PLXNC1: variants seen among roughly 807,000 people sequenced by gnomAD.
PLXNC1 encodes the protein plexin C1, also known as plexin-C1.
In PLXNC1, 75 loss-of-function variants were observed where a neutral mutation model predicts 178.2. The observed-to-expected ratio is 0.42, with a 90% CI of 0.35 to 0.51. PLXNC1 has a LOEUF of 0.51. Among genes scored for constraint, PLXNC1 ranks in the 20% least tolerant of loss-of-function variants. The pLI is 0.02. For missense variants in PLXNC1, 1,503 were observed against 1,984.4 expected (o/e 0.76, Z 4.61); for synonymous variants, 790 against 779.9 (o/e 1.01, Z -0.22).
chr12:94,163,500 T>C (rs1431076518), intron 1 of PLXNC1, among the ~76,000 whole-genome samples: 3 of 151,966 alleles, frequency 2.0e-5, no homozygotes, highest in Non-Finnish European at 2.9e-5. Flanking sequence ...AGAAGGAGGT[T>C]GTGGGGGTGG....
intron 9 of PLXNC1, among the ~76,000 whole-genome samples, chr12:94,234,323 G>T (rs978802050): frequency 6.6e-6 from 1 of 152,068 alleles, no homozygotes; most frequent in Non-Finnish European, 1.5e-5. Context: ...AATCCTCTTA[G>T]ACCTTTTGAA....
rs150326780 is a variant in PLXNC1, at chr12:94,283,254, A to G, written c.3879+853A>G. Among the ~76,000 whole-genome samples the G allele has an allele frequency of 1.8e-3, 275 of 152,296 alleles. 1 individual carries two copies. The highest frequency in any genetic ancestry group is 6.5e-3 in the African/African-American group (269 of 41,552). ...GCTTCCTGGAGGAGGTTATGACTGA[A>G]CTGAGAGCTAAACAATGAGAATTTA... On this transcript the variant is annotated intron_variant, in intron 23 of 30. Transcript: ENST00000258526.
chr12:94,224,202 A>C (rs372316909), intron 6 of PLXNC1, 26 bp from the exon 7 acceptor site: 1 of 1,378,298 alleles, frequency 7.3e-7, no homozygotes, highest in Non-Finnish European at 1.0e-6. Flanking sequence ...TCCACCGTAA[A>C]TGACATTTTC....
At chr12:94,161,060 C>A (rs1961364254) in intron 1 of PLXNC1, among the ~76,000 whole-genome samples, 1 of 152,138 alleles carries the variant, frequency 6.6e-6, no homozygotes, top group African/African-American at 2.4e-5. Flanking sequence ...ATGCTAAGTT[C>A]CAGTTAGAGC....
rs551955818 is a variant in PLXNC1, at chr12:94,202,959, G to A, written c.1440-6631G>A. On this transcript the variant is annotated intron_variant, in intron 4 of 30. Transcript: ENST00000258526. ...GGGTGTCATGAGAGATTTTTAAGCAGGGAGTAACATCATCAGCTCTGTGCG... is the reference window on the plus strand; with the variant it reads ...GGGTGTCATGAGAGATTTTTAAGCAAGGAGTAACATCATCAGCTCTGTGCG... Among the ~76,000 whole-genome samples, 4 of 152,286 alleles carry A rather than the reference G, an allele frequency of 2.6e-5. No individual in the cohort carries two copies. In the South Asian group the frequency reaches 8.3e-4, roughly 32 times the overall value.
intron 15 of PLXNC1, among the ~76,000 whole-genome samples, chr12:94,253,340 C>T (rs537413982): frequency 6.7e-6 from 1 of 149,710 alleles, no homozygotes; most frequent in Non-Finnish European, 1.5e-5. Context: ...CATTTATTCA[C>T]TCATTCATCC....
In PLXNC1 at chr12:94,149,916, A is replaced by G; in HGVS notation, c.945A>G (p.Gly315=). ...CGGGAGTGTTCAGCGCGGCCGCTGG[A>G]GAGGGCCAGGAGCGGCGCTCCCCCA... The part of the protein sequence containing the change: ...VWAGVFSAAA[G]EGQERRSPTT... Residue 315 remains glycine, a synonymous_variant, in exon 1 of 31, where the codon GGA becomes GGG. Coordinates refer to ENST00000258526, the MANE Select transcript of PLXNC1 (RefSeq NM_005761.3). The G allele has an allele frequency of 6.3e-7, 1 of 1,589,726 alleles. No individual in the cohort carries two copies. Among genetic ancestry groups the G allele is most frequent in the Admixed American group, 1.8e-5 (1 of 56,730 alleles).
rs531674579 is a variant in PLXNC1 at position 94,210,154 on chromosome 12, T to A, written c.1554+450T>A. On this transcript the variant is annotated intron_variant, in intron 5 of 30. Coordinates refer to ENST00000258526, the MANE Select transcript of PLXNC1 (RefSeq NM_005761.3). ...TGTGTTGAGGCTTCCCCAGTAACCA[T>A]CTTATGAACATAGCTTCCAACAGTC... 1.1e-4 allele frequency among the ~76,000 whole-genome samples: 17 copies of A among 152,294 alleles called. No individual in the cohort carries two copies. The South Asian group carries it at 1.9e-3, about 17-fold the overall frequency.
At chr12:94,161,915 A>G (rs1490985985) in intron 1 of PLXNC1, among the ~76,000 whole-genome samples, 1 of 152,182 alleles carries the variant, frequency 6.6e-6, no homozygotes, top group African/African-American at 2.4e-5. Context: ...TGAGATATTG[A>G]CTGAAAGTAT....
At chr12:94,158,652 C>G (rs1961265487) in intron 1 of PLXNC1, among the ~76,000 whole-genome samples, 1 of 152,104 alleles carries the variant, frequency 6.6e-6, no homozygotes, top group African/African-American at 2.4e-5. Flanking sequence ...AAATAAAAAT[C>G]TTAGCCAGGT....
At chr12:94,194,740 C>T (rs1003545302) in intron 4 of PLXNC1, among the ~76,000 whole-genome samples, 2 of 150,596 alleles carry the variant, frequency 1.3e-5, no homozygotes, top group Non-Finnish European at 3.0e-5. Flanking sequence ...GGTGACAGAA[C>T]GAGACCTTGT....
chr12:94,246,900 G>C (rs1964543496), intron 12 of PLXNC1, among the ~76,000 whole-genome samples: 1 of 151,682 alleles, frequency 6.6e-6, no homozygotes, highest in Non-Finnish European at 1.5e-5. Flanking sequence ...GGGGTGGCGG[G>C]GGTGGGGGAA....
At position 94,149,314 on chromosome 12, in the gene PLXNC1, G is replaced by A; in HGVS notation, c.343G>A (p.Gly115Arg). ...CAAGCTGCTGCTGCCCTACCGCGAG[G>A]GGGCGGCCGGCCTCGGGGGGCTGCT... ...FSKLLLPYRE[G>R]AAGLGGLLLT... Residue 115 changes from glycine (G) to arginine (R), a missense_variant, in exon 1 of 31, where the codon GGG becomes AGG. By Grantham distance (125) the Gly-to-Arg change is moderately radical. Transcript: ENST00000258526. 1 of 1,455,812 alleles carries A rather than the reference G, an allele frequency of 6.9e-7. No homozygotes were observed. Among genetic ancestry groups the A allele is most frequent in the East Asian group, 2.7e-5 (1 of 36,556 alleles). The allele number at this position is 1,455,812 out of a possible 1,614,324, so 90.2% of individuals were successfully genotyped here. A position where few individuals can be genotyped will look rare whatever the true frequency, so the allele number is the denominator to read the frequency against.
At chr12:94,263,975 G>A (rs1965089178) in intron 20 of PLXNC1, among the ~76,000 whole-genome samples, 1 of 152,094 alleles carries the variant, frequency 6.6e-6, no homozygotes, top group Non-Finnish European at 1.5e-5. Flanking sequence ...GAGACCCAGT[G>A]GAATCCTCCT....
chr12:94,230,295 G>A (rs1429379130), intron 9 of PLXNC1, among the ~76,000 whole-genome samples: 5 of 151,798 alleles, frequency 3.3e-5, no homozygotes, highest in South Asian at 2.1e-4. Context: ...CCTTTTTATC[G>A]CTGAGTCGTG....
chr12:94,293,030 T>C (rs954323124), intron 23 of PLXNC1, among the ~76,000 whole-genome samples: 22 of 152,220 alleles, frequency 1.4e-4, no homozygotes, highest in African/African-American at 5.3e-4. Flanking sequence ...ATATCTAACA[T>C]GATAGTTTTG....
At position 94,209,676 on chromosome 12, in the gene PLXNC1, T is replaced by G; in HGVS notation, c.1526T>G (p.Ile509Ser). 2 of 1,609,432 alleles carry G rather than the reference T, an allele frequency of 1.2e-6. No individual in the cohort carries two copies. Among genetic ancestry groups the G allele is most frequent in the Non-Finnish European group, 8.5e-7 (1 of 1,175,830 alleles). The change falls in exon 5 of 31, where the codon ATT becomes AGT. Residue 509 changes from isoleucine to serine, a missense_variant. Physicochemically the swap from Ile to Ser is moderately radical, Grantham distance 142. Transcript: ENST00000258526. ...TCTGGAGCAAAAAAGTGCCCTAAAA[T>G]TCAGATAATTCGAAGCAGTAAAGAA... ...ISSGAKKCPK[I>S]QIIRSSKEKT... is the part of the protein sequence containing the mutation.
chr12:94,210,335 T>C (rs1285094080), intron 5 of PLXNC1, among the ~76,000 whole-genome samples: 2 of 152,200 alleles, frequency 1.3e-5, no homozygotes, highest in Non-Finnish European at 2.9e-5. Context: ...TATTTAAGCA[T>C]TTTCAAATGC....
At chr12:94,267,873 C>G (rs1289736909) in intron 21 of PLXNC1, among the ~76,000 whole-genome samples, 1 of 152,178 alleles carries the variant, frequency 6.6e-6, no homozygotes, top group African/African-American at 2.4e-5. Flanking sequence ...CCCCACCTAC[C>G]CCTCCCAAGC....
Sources: allele counts gnomAD v4.1 joint callset (sites outside exome capture counted in the v4.1 genomes callset), GRCh38; gene constraint gnomAD v4.1.1; transcripts MANE v1.5; gene names NCBI Gene and HGNC (gene_info 2026-07-23, HGNC 2026-07-21).